MCF2L2: variants seen among roughly 807,000 people sequenced by gnomAD.
MCF2L2 encodes the protein probable guanine nucleotide exchange factor MCF2L2.
A neutral mutation model predicts 150.2 loss-of-function variants in MCF2L2; 102 were observed. The ratio of observed to expected loss-of-function variants is 0.68; its 90% CI spans 0.58 to 0.80. The LOEUF (loss-of-function observed/expected upper bound fraction) is 0.80. MCF2L2 is among the 30% of genes least tolerant of loss of function. The pLI, the probability that MCF2L2 is intolerant of heterozygous loss-of-function variation, is 0.00. For missense variants in MCF2L2, 1,256 were observed against 1,372.8 expected, an observed-to-expected ratio of 0.91 and a Z score of 1.34; for synonymous variants, 465 against 491.3, an observed-to-expected ratio of 0.95 and a Z score of 0.71.
chr3:183,323,897 G>A (rs1390054985), intron 5 of MCF2L2, among the ~76,000 whole-genome samples: 1 of 151,828 alleles, frequency 6.6e-6, no homozygotes, highest in Non-Finnish European at 1.5e-5. Flanking sequence ...TATAGCCTGT[G>A]ACAAAATGTT....
chr3:183,213,170 T>G (rs988092934), intron 22 of MCF2L2, among the ~76,000 whole-genome samples: 21 of 151,954 alleles, frequency 1.4e-4, no homozygotes, highest in African/African-American at 4.6e-4. Context: ...ACTGTTTCAT[T>G]CAATCTTTAC....
At chr3:183,250,734 C>T (rs13353504) in intron 15 of MCF2L2, among the ~76,000 whole-genome samples, 9,080 of 152,112 alleles carry the variant, frequency 0.06, 802 homozygotes, top group African/African-American at 0.19. Flanking sequence ...AAAGAGGCGG[C>T]GGAGCCAAGG....
At chr3:183,365,671 A>G (rs1016549547) in intron 3 of MCF2L2, among the ~76,000 whole-genome samples, 1 of 152,214 alleles carries the variant, frequency 6.6e-6, no homozygotes, top group African/African-American at 2.4e-5. Context: ...GAAAGCATGG[A>G]TGAATTACTC....
intron 22 of MCF2L2, among the ~76,000 whole-genome samples, chr3:183,213,753 T>C (rs1419078383): frequency 6.6e-6 from 1 of 152,230 alleles, no homozygotes; most frequent in Non-Finnish European, 1.5e-5. Flanking sequence ...CATGTAATCT[T>C]GAGTGAGTTA....
At chr3:183,360,038 G>C (rs1046182273) in intron 3 of MCF2L2, among the ~76,000 whole-genome samples, 4 of 152,176 alleles carry the variant, frequency 2.6e-5, no homozygotes, top group Non-Finnish European at 4.4e-5. Context: ...AAATGGTTCT[G>C]AATCAAGCCG....
chr3:183,193,335 A>C (rs1721966572), intron 26 of MCF2L2, among the ~76,000 whole-genome samples: 1 of 147,900 alleles, frequency 6.8e-6, no homozygotes, highest in Non-Finnish European at 1.5e-5. Flanking sequence ...AATTGGCTGC[A>C]AATCTTTTTT....
chr3:183,333,677 G>GT (rs1262061268), intron 5 of MCF2L2, among the ~76,000 whole-genome samples: 1 of 151,972 alleles, frequency 6.6e-6, no homozygotes, highest in Non-Finnish European at 1.5e-5. Flanking sequence ...GAAATTTAAG[G>GT]TATCAGTATG....
At chr3:183,387,251 C>T (rs544325052) in intron 2 of MCF2L2, among the ~76,000 whole-genome samples, 1 of 146,478 alleles carries the variant, frequency 6.8e-6, no homozygotes, top group South Asian at 2.1e-4. Context: ...GGCAACATAG[C>T]GACACCATGT....
chr3:183,270,854 A>C lies in MCF2L2; in HGVS notation c.1862+6018T>G, dbSNP rs201823168. 1.2e-6 allele frequency: 2 copies of C among 1,613,384 alleles called. No homozygotes were observed. The highest frequency in any genetic ancestry group is 4.5e-5 in the East Asian group (2 of 44,880). ...TTTCCAAAGGTTTTTTTGGTCAAAT[A>C]TACTGCAGATTAATGAAGATAATTC... is the stretch of plus-strand genomic sequence containing the variant. On this transcript the variant is annotated intron_variant, in intron 15 of 29. Transcript: ENST00000328913. The surrounding 1 kb of genome is among the most constrained non-coding windows in gnomAD (Gnocchi z 4.5).
chr3:183,291,017 GATGTT>G (rs1254316965), intron 13 of MCF2L2, among the ~76,000 whole-genome samples: 4 of 151,184 alleles, frequency 2.6e-5, no homozygotes, highest in Admixed American at 1.3e-4. Flanking sequence ...GTTTTTCATA[GATGTT>G]ATGTTGAAAA....
At chr3:183,308,164 T>C (rs1729191516) in intron 10 of MCF2L2, among the ~76,000 whole-genome samples, 2 of 152,196 alleles carry the variant, frequency 1.3e-5, no homozygotes, top group Admixed American at 6.5e-5. Context: ...GTAAGCTCCA[T>C]GAGGGCAGAT....
intron 15 of MCF2L2, among the ~76,000 whole-genome samples, chr3:183,249,569 G>A (rs143370094): frequency 2.0e-5 from 3 of 152,312 alleles, no homozygotes; most frequent in South Asian, 2.1e-4. Flanking sequence ...AGTGGCCTGC[G>A]GGTGAGTGCC....
chr3:183,411,616 C>CTT (rs5854983), intron 1 of MCF2L2, among the ~76,000 whole-genome samples: 29 of 142,896 alleles, frequency 2.0e-4, no homozygotes, highest in East Asian at 4.1e-4. Context: ...CTACTTGAAG[C>CTT]TTTTTTTTTT....
intron 25 of MCF2L2, among the ~76,000 whole-genome samples, chr3:183,198,009 G>A (rs1212787828): frequency 6.6e-6 from 1 of 152,088 alleles, no homozygotes; most frequent in African/African-American, 2.4e-5. Flanking sequence ...AATCACTTTG[G>A]AAACTATTTA....
chr3:183,264,753 A>T (rs1035080423), intron 15 of MCF2L2, among the ~76,000 whole-genome samples: 1 of 152,204 alleles, frequency 6.6e-6, no homozygotes, highest in African/African-American at 2.4e-5. Flanking sequence ...ACAATCAGGG[A>T]TTATTGCAGG....
chr3:183,400,628 G>A (rs1714704174), intron 1 of MCF2L2: 1 of 349,360 alleles, frequency 2.9e-6, no homozygotes, highest in Non-Finnish European at 5.7e-6. Context: ...GCCGAGAGTT[G>A]ATCCTTTTGA....
At chr3:183,191,248 C>A (rs1040163911) in intron 27 of MCF2L2, among the ~76,000 whole-genome samples, 44 of 125,880 alleles carry the variant, frequency 3.5e-4, no homozygotes, top group African/African-American at 1.3e-3. Context: ...TCCCATATAT[C>A]CCCTGTGCTC....
chr3:183,404,719 C>T (rs1343853650), intron 1 of MCF2L2, among the ~76,000 whole-genome samples: 4 of 151,930 alleles, frequency 2.6e-5, no homozygotes, highest in Non-Finnish European at 4.4e-5. Flanking sequence ...AAAAATTAGC[C>T]GGGCATGGTG....
At chr3:183,247,345 C>T (rs901969277) in intron 15 of MCF2L2, among the ~76,000 whole-genome samples, 1 of 152,166 alleles carries the variant, frequency 6.6e-6, no homozygotes, top group Non-Finnish European at 1.5e-5. Flanking sequence ...CTGGCTCATC[C>T]GTGTATGCCT....
Sources: allele counts gnomAD v4.1 joint callset (sites outside exome capture counted in the v4.1 genomes callset), GRCh38; gene constraint gnomAD v4.1.1; non-coding constraint Gnocchi (gnomAD v3.1); transcripts MANE v1.5; gene names NCBI Gene and HGNC (gene_info 2026-07-23, HGNC 2026-07-21).